Variants in B4GALNT2 observed in about 807,000 individuals in gnomAD.
B4GALNT2 encodes N-acetylneuraminylgalactosylglucosyl-glucoside beta-1,4-N- acetylgalactosaminyltransferase 2.
A neutral mutation model predicts 51.1 loss-of-function variants in B4GALNT2; 42 were observed. The ratio of observed to expected loss-of-function variants is 0.82; its 90% CI spans 0.64 to 1.06. B4GALNT2 has a LOEUF of 1.06. Ranked by LOEUF, B4GALNT2 falls within the 50% of genes least tolerant of loss-of-function variation. B4GALNT2 has a pLI of 0.00. For synonymous variants in B4GALNT2, 253 were observed against 251.7 expected (o/e 1.01, Z -0.05); for missense variants, 602 against 633.6 (o/e 0.95, Z 0.54).
intron 1 of B4GALNT2, among the ~76,000 whole-genome samples, chr17:49,134,535 G>A (rs569648897): frequency 6.6e-6 from 1 of 152,134 alleles, no homozygotes; most frequent in African/African-American, 2.4e-5. Flanking sequence ...CTCCCGAATA[G>A]CTGGGATTAC....
In B4GALNT2 at chr17:49,156,569, T is replaced by A; in HGVS notation, c.464T>A (p.Leu155His). The A allele has an allele frequency of 1.2e-6, 2 of 1,613,818 alleles. No individual in the cohort carries two copies. The highest frequency in any genetic ancestry group is 1.7e-6 in the Non-Finnish European group (2 of 1,179,922). The change falls in exon 5 of 11, where the codon CTC becomes CAC. Residue 155 changes from leucine to histidine, a missense_variant. Physicochemically the swap from Leu to His is moderately conservative, Grantham distance 99. Transcript: ENST00000393354. ...TCCTTTTCCCTGTGTCCTCCAGGCC[T>A]CCAGTTTGAAGGACCCGATGCCCCC... is the stretch of plus-strand genomic sequence containing the variant. ...MPLHTVPIPGLQFEGPDAPVY... is the reference protein window; with the variant it reads ...MPLHTVPIPGHQFEGPDAPVY...
At position 49,152,798 on chromosome 17, in the gene B4GALNT2, A is replaced by T. The variant is rs1229031951; in HGVS notation, c.354-2A>T. The T allele has an allele frequency of 6.3e-7, 1 of 1,587,634 alleles. No individual in the cohort carries two copies. The highest frequency in any genetic ancestry group is 1.8e-5 in the Admixed American group (1 of 55,422). ...CTGACGTTTCTGTTCTCCTTCCTGCAGAGAAGGGCTGCCCCGCCCACTGCC... is the reference window on the plus strand; with the variant it reads ...CTGACGTTTCTGTTCTCCTTCCTGCTGAGAAGGGCTGCCCCGCCCACTGCC... On this transcript the variant is annotated splice_acceptor_variant, in intron 3 of 10. Coordinates refer to ENST00000393354, the MANE Select transcript of B4GALNT2 (RefSeq NM_001159387.2). LOFTEE classifies it high-confidence loss of function.
intron 4 of B4GALNT2, among the ~76,000 whole-genome samples, chr17:49,154,412 A>G (rs2042788273): frequency 1.3e-5 from 2 of 152,060 alleles, no homozygotes; most frequent in South Asian, 4.2e-4. Flanking sequence ...AAAGTTGAAT[A>G]TTATCAGAGG....
At chr17:49,139,145 T>C (rs561218461) in intron 1 of B4GALNT2, among the ~76,000 whole-genome samples, 1 of 152,374 alleles carries the variant, frequency 6.6e-6, no homozygotes, top group Non-Finnish European at 1.5e-5. Context: ...TAATACTTTT[T>C]ATTTCCCTTT....
intron 4 of B4GALNT2, among the ~76,000 whole-genome samples, chr17:49,154,712 A>G (rs1345747257): frequency 6.6e-6 from 1 of 152,034 alleles, no homozygotes; most frequent in Non-Finnish European, 1.5e-5. Flanking sequence ...AACAGGTGAG[A>G]TGAGAATGAC....
chr17:49,132,891 C>A (rs997106138), intron 1 of B4GALNT2, 85 bp downstream of exon 1: 71 of 1,375,170 alleles, frequency 5.2e-5, no homozygotes, highest in Middle Eastern at 1.9e-4. Context: ...GTCTGCAGAG[C>A]GGGCAGGTGC....
rs2042962997 is a variant in B4GALNT2, at chr17:49,172,463, A to G, written c.*2735A>G. ...CTGTCTTTGCAGCTGGTTTCTGTAG[A>G]TGCTGTTCAGCTGCTGGCCTTTAAG... On this transcript the variant is annotated 3_prime_UTR_variant, in exon 11 of 11. Coordinates refer to ENST00000393354, the MANE Select transcript of B4GALNT2 (RefSeq NM_001159387.2). The G allele has an allele frequency of 6.5e-6, 1 of 152,754 alleles. No homozygotes were observed. Among genetic ancestry groups the G allele is most frequent in the African/African-American group, 2.4e-5 (1 of 41,478 alleles). 9.5% of individuals were successfully genotyped at this position (152,754 alleles called of 1,614,324 possible).
At position 49,140,249 on chromosome 17, in the gene B4GALNT2, C is replaced by T. The variant is rs58460548; in HGVS notation, c.15-998C>T. Among the ~76,000 whole-genome samples the T allele has an allele frequency of 8.6e-3, 1,311 of 151,868 alleles. 24 individuals carry two copies. Among genetic ancestry groups the T allele is most frequent in the African/African-American group, 0.03 (1,234 of 41,444 alleles). Reference sequence around the variant, plus strand: ...CCGAGTAGCTGGGACTACAGGCGTCCGCCACAACACCCGACTAATTTTTTG... The same window carrying T: ...CCGAGTAGCTGGGACTACAGGCGTCTGCCACAACACCCGACTAATTTTTTG... On this transcript the variant is annotated intron_variant, in intron 1 of 10. Transcript: ENST00000393354.
At chr17:49,158,554 C>T (rs549185069) in intron 5 of B4GALNT2, among the ~76,000 whole-genome samples, 203 of 141,566 alleles carry the variant, frequency 1.4e-3, no homozygotes, top group Non-Finnish European at 1.5e-3. Flanking sequence ...AGGATAATTG[C>T]TTTAACCTGG....
chr17:49,124,882 A>G, the B4GALNT2 span, among the ~76,000 whole-genome samples: 1 of 152,196 alleles, frequency 6.6e-6, no homozygotes, highest in South Asian at 2.1e-4. Flanking sequence ...GAAAAACTGG[A>G]TGATACCCCT....
chr17:49,149,132 G>C (rs2042726097), intron 3 of B4GALNT2: 1 of 146,672 alleles, frequency 6.8e-6, no homozygotes, highest in South Asian at 2.3e-4. Flanking sequence ...GCAGGGTCTG[G>C]GGCCAGAACT....
At chr17:49,132,274 C>T (rs1184441080), upstream of B4GALNT2, among the ~76,000 whole-genome samples, 4 of 152,202 alleles carry the variant, frequency 2.6e-5, no homozygotes. Context: ...ACTCTTTCTT[C>T]CAGGCACACA....
Position 49,169,513 on chromosome 17 carries a change from C to G in B4GALNT2, c.1316-10C>G, listed in dbSNP as rs779090283. The G allele has an allele frequency of 2.5e-6, 4 of 1,609,008 alleles. 1 individual carries two copies. In the South Asian group the frequency reaches 3.3e-5, roughly 13 times the overall value. On this transcript the variant is annotated splice_polypyrimidine_tract_variant and intron_variant, in intron 10 of 10. Coordinates refer to ENST00000393354, the MANE Select transcript of B4GALNT2 (RefSeq NM_001159387.2). ...GCTCCCACTTCCTTCTGCTCTCCCT[C>G]TCTTTGCAGAATTCTTCATTGATGG...
chr17:49,161,492 A>T (rs1331561306), intron 7 of B4GALNT2, among the ~76,000 whole-genome samples: 3 of 151,940 alleles, frequency 2.0e-5, no homozygotes, highest in Non-Finnish European at 2.9e-5. Context: ...TGAGCCTGGG[A>T]GGTCAAAGCT....
intron 7 of B4GALNT2, 128 bp from the exon 8 acceptor site, chr17:49,163,960 G>T: frequency 1.2e-6 from 1 of 825,204 alleles, no homozygotes; most frequent in Non-Finnish European, 1.9e-6. Context: ...GCACCTCCTG[G>T]GTACAAGAGG....
chr17:49,149,946 GT>G (rs201289162), intron 3 of B4GALNT2, among the ~76,000 whole-genome samples: 2,168 of 152,090 alleles, frequency 0.014, 54 homozygotes, highest in African/African-American at 0.05. Flanking sequence ...GGTATTCCAT[GT>G]TTTTTTTAAT....
At chr17:49,121,774 C>A in the B4GALNT2 span, among the ~76,000 whole-genome samples, 1 of 152,288 alleles carries the variant, frequency 6.6e-6, no homozygotes, top group Admixed American at 6.5e-5. Flanking sequence ...AGACTGACCC[C>A]AGACAGGGCC....
chr17:49,126,060 G>A, the B4GALNT2 span, among the ~76,000 whole-genome samples: 3 of 152,240 alleles, frequency 2.0e-5, no homozygotes, highest in Non-Finnish European at 4.4e-5. Context: ...AATAGAAAGG[G>A]GGGAAAGGTG....
At position 49,141,239 on chromosome 17, in the gene B4GALNT2, C is replaced by T; in HGVS notation, c.15-8C>T. 6.2e-7 allele frequency: 1 copy of T among 1,611,764 alleles called. No individual in the cohort carries two copies. Among genetic ancestry groups the T allele is most frequent in the Non-Finnish European group, 8.5e-7 (1 of 1,177,896 alleles). ...TTTAACATAATCTGTTCTTTTGTGT[C>T]CCAACAGCTCGAGATTTCTGTGGCT... On this transcript the variant is annotated splice_region_variant and splice_polypyrimidine_tract_variant and intron_variant, in intron 1 of 10. Transcript: ENST00000393354.
Sources: gnomAD v4.1 joint callset for allele counts (sites outside exome capture counted in the v4.1 genomes callset) on GRCh38, gnomAD v4.1.1 for gene constraint, MANE v1.5 for transcripts, NCBI Gene and HGNC (gene_info 2026-07-23, HGNC 2026-07-21) for gene names.